Variants in CTNNA2 observed in about 807,000 individuals in gnomAD.
CTNNA2 encodes catenin alpha-2.
Under a neutral mutation model 101.0 loss-of-function variants are expected in CTNNA2, and 42 were observed. The observed-to-expected ratio is 0.42, with a 90% CI of 0.32 to 0.54. The LOEUF is 0.54. Among genes scored for constraint, CTNNA2 ranks in the 20% least tolerant of loss-of-function variants. CTNNA2 has a pLI of 0.14. For missense variants in CTNNA2, 871 were observed against 1,223.1 expected (o/e 0.71, Z 4.29); for synonymous variants, 450 against 456.4 (o/e 0.99, Z 0.18).
chr2:79,427,709 C>T (rs186618040), intron 4 of CTNNA2, among the ~76,000 whole-genome samples: 2 of 151,764 alleles, frequency 1.3e-5, no homozygotes, highest in Non-Finnish European at 2.9e-5. Flanking sequence ...ATATCCAGGG[C>T]ATCTTACACT....
At chr2:79,362,222 A>G (rs1248146615) in intron 3 of CTNNA2, among the ~76,000 whole-genome samples, 1 of 152,144 alleles carries the variant, frequency 6.6e-6, no homozygotes, top group Non-Finnish European at 1.5e-5. Context: ...AAACACTTTC[A>G]TTCATCTTAC....
chr2:79,314,109 C>T (rs1676443291), intron 3 of CTNNA2, among the ~76,000 whole-genome samples: 1 of 152,116 alleles, frequency 6.6e-6, no homozygotes, highest in African/African-American at 2.4e-5. Context: ...GAGGTCTTTC[C>T]TTCTGCTTCA....
At chr2:79,578,127 C>T (rs981682904) in intron 1 of CTNNA2, among the ~76,000 whole-genome samples, 2 of 152,120 alleles carry the variant, frequency 1.3e-5, no homozygotes, top group African/African-American at 4.8e-5. Flanking sequence ...TATAACACTT[C>T]ATAGCAACAT....
At chr2:79,851,737 CTTTTTTTTTTTTTT>C (rs11399192) in intron 3 of CTNNA2, among the ~76,000 whole-genome samples, 1 of 87,124 alleles carries the variant, frequency 1.1e-5, no homozygotes, top group Non-Finnish European at 2.0e-5. Context: ...TTTTCTTTTC[CTTTTTTTTTTTTTT>C]TTTTTTTTGA....
At chr2:80,051,780 A>G (rs1265945466) in intron 7 of CTNNA2, among the ~76,000 whole-genome samples, 3 of 152,104 alleles carry the variant, frequency 2.0e-5, no homozygotes, top group Non-Finnish European at 4.4e-5. Context: ...GCTGCATTTC[A>G]AGCGAAGCCC....
rs2104446379 is a variant in CTNNA2, at chr2:79,646,047, C to A, written c.-5-5505C>A. On this transcript the variant is annotated intron_variant, in intron 1 of 18. Coordinates refer to ENST00000402739, the MANE Select transcript of CTNNA2 (RefSeq NM_001282597.3). ...AAGCTGGAGTTCCATGGAGAGAAAA[C>A]AGGTTTGGGTGGTCCCCTTGGCAAC... Among the ~76,000 whole-genome samples, 3 of 152,274 alleles carry A rather than the reference C, an allele frequency of 2.0e-5. No homozygotes were observed. In the South Asian group the frequency reaches 6.2e-4, roughly 32 times the overall value.
intron 7 of CTNNA2, among the ~76,000 whole-genome samples, chr2:80,020,160 A>G (rs1454665347): frequency 3.3e-5 from 5 of 152,192 alleles, no homozygotes; most frequent in African/African-American, 4.8e-5. Context: ...CAAATATGAT[A>G]TTTTCATTTG....
intron 2 of CTNNA2, among the ~76,000 whole-genome samples, chr2:79,268,341 T>C (rs1280387447): frequency 6.6e-6 from 1 of 152,062 alleles, no homozygotes; most frequent in Non-Finnish European, 1.5e-5. Context: ...ATGAGATAGA[T>C]GGACAACCTG....
At chr2:80,264,178 A>C (rs1191431089) in intron 7 of CTNNA2, among the ~76,000 whole-genome samples, 1 of 152,138 alleles carries the variant, frequency 6.6e-6, no homozygotes, top group Non-Finnish European at 1.5e-5. Flanking sequence ...GAGAACATCA[A>C]ATCCCTTGAC....
chr2:80,079,643 G>C (rs1167949545), intron 7 of CTNNA2, among the ~76,000 whole-genome samples: 3 of 151,516 alleles, frequency 2.0e-5, no homozygotes, highest in African/African-American at 4.8e-5. Context: ...GAAACCCCGT[G>C]TCTACTAAAA....
intron 3 of CTNNA2, among the ~76,000 whole-genome samples, chr2:79,754,106 A>T (rs976717517): frequency 2.0e-4 from 31 of 151,984 alleles, no homozygotes; most frequent in Admixed American, 2.6e-4. Context: ...TGATCTTGTG[A>T]TCTGCCCACC....
chr2:79,731,674 G>A (rs1687202768), intron 2 of CTNNA2, among the ~76,000 whole-genome samples: 1 of 152,040 alleles, frequency 6.6e-6, no homozygotes, highest in Non-Finnish European at 1.5e-5. Flanking sequence ...GGATTTTAGT[G>A]AGTGGAAAAT....
chr2:79,290,007 A>G (rs11126706), intron 2 of CTNNA2, among the ~76,000 whole-genome samples: 89,593 of 151,862 alleles, frequency 0.59, 26,817 homozygotes, highest in East Asian at 0.76. Flanking sequence ...GGTTTATAAC[A>G]ATTGAGATGC....
intron 7 of CTNNA2, among the ~76,000 whole-genome samples, chr2:79,925,302 A>G (rs1686950777): frequency 6.6e-6 from 1 of 152,070 alleles, no homozygotes; most frequent in African/African-American, 2.4e-5. Context: ...CAATGATTTG[A>G]TTTATAAACA....
At chr2:80,587,833 C>T (rs1258000447) in intron 14 of CTNNA2, among the ~76,000 whole-genome samples, 1 of 152,132 alleles carries the variant, frequency 6.6e-6, no homozygotes, top group Non-Finnish European at 1.5e-5. Flanking sequence ...ATTCACATTC[C>T]CCTGTCTGTG....
intron 1 of CTNNA2, among the ~76,000 whole-genome samples, chr2:79,194,851 C>T (rs570921788): frequency 6.6e-6 from 1 of 152,190 alleles, no homozygotes; most frequent in East Asian, 1.9e-4. Context: ...TTATGTTTGG[C>T]AGTGGAATCT....
chr2:79,268,541 G>A (rs1675018137), intron 2 of CTNNA2, among the ~76,000 whole-genome samples: 1 of 152,116 alleles, frequency 6.6e-6, no homozygotes, highest in Admixed American at 6.6e-5. Context: ...GGGGTGAGGG[G>A]AACCCCAATT....
chr2:79,668,166 G>A (rs1682561931), intron 2 of CTNNA2, among the ~76,000 whole-genome samples: 2 of 144,160 alleles, frequency 1.4e-5, no homozygotes, highest in South Asian at 4.5e-4. Flanking sequence ...CGTGAACCCA[G>A]GAAGTGGAGC....
intron 2 of CTNNA2, among the ~76,000 whole-genome samples, chr2:79,688,648 T>A (rs984873272): frequency 1.3e-5 from 2 of 152,068 alleles, no homozygotes; most frequent in African/African-American, 4.8e-5. Flanking sequence ...TTTATAGCAC[T>A]AGAAAAGTAC....
Sources: gnomAD v4.1 joint callset for allele counts (sites outside exome capture counted in the v4.1 genomes callset) on GRCh38, gnomAD v4.1.1 for gene constraint, MANE v1.5 for transcripts, NCBI Gene and HGNC (gene_info 2026-07-23, HGNC 2026-07-21) for gene names.